The following GALNT11 variants were observed in gnomAD, a reference collection of about 807,000 sequenced individuals.
GALNT11 encodes UDP-GalNAc:polypeptide N-acetylgalactosaminyltransferase 11.
Under a neutral mutation model 72.7 loss-of-function variants are expected in GALNT11, and 47 were observed. The ratio of observed to expected loss-of-function variants is 0.65; its 90% CI spans 0.51 to 0.82. GALNT11 has a LOEUF of 0.82. Among genes scored for constraint, GALNT11 ranks in the 40% least tolerant of loss-of-function variants. GALNT11 has a pLI of 0.00. For missense variants in GALNT11, 677 were observed against 778.4 expected (o/e 0.87, Z 1.55); for synonymous variants, 270 against 286.6 (o/e 0.94, Z 0.58).
chr7:152,089,391 C>T (rs2085860918), intron 1 of GALNT11, among the ~76,000 whole-genome samples: 2 of 152,230 alleles, frequency 1.3e-5, no homozygotes, highest in African/African-American at 4.8e-5. Flanking sequence ...TCTGTATTTT[C>T]TGCAGAAAGG....
chr7:152,084,168 G>C (rs1162986117), intron 1 of GALNT11, among the ~76,000 whole-genome samples: 1 of 151,122 alleles, frequency 6.6e-6, no homozygotes, highest in Non-Finnish European at 1.5e-5. Flanking sequence ...TTTTTATTTT[G>C]GGGTTTTTTT....
At chr7:152,062,793 C>G (rs139110295) in intron 1 of GALNT11, among the ~76,000 whole-genome samples, 7,470 of 152,174 alleles carry the variant, frequency 0.049, 625 homozygotes, top group African/African-American at 0.17. Flanking sequence ...GTTGAACCAG[C>G]CTTGCATCCC....
intron 2 of GALNT11, among the ~76,000 whole-genome samples, chr7:152,099,530 GTTTTTTTTTTTTTTTT>G (rs1009548038): frequency 1.7e-5 from 1 of 57,790 alleles, no homozygotes; most frequent in South Asian, 7.7e-4. Flanking sequence ...CTCCCGCCTA[GTTTTTTTTTTTTTTTT>G]TTTTTTTTTT....
In GALNT11 at chr7:152,108,040, G is replaced by A. The variant is rs779686292; in HGVS notation, c.715G>A (p.Glu239Lys). Residue 239 changes from glutamate to lysine, a missense_variant and splice_region_variant, in exon 6 of 12, where the codon GAA becomes AAA. By Grantham distance (56) the Glu-to-Lys change is moderately conservative. Coordinates refer to ENST00000430044, the MANE Select transcript of GALNT11 (RefSeq NM_022087.4). ...RMIGAAHATGEVLVFLDSHCE... is the reference protein window; with the variant it reads ...RMIGAAHATGKVLVFLDSHCE... ...AGCCTCTGTTGTTTCCTCCCCAGGAGAAGTCCTTGTGTTCCTGGACAGCCA... is the reference window on the plus strand; with the variant it reads ...AGCCTCTGTTGTTTCCTCCCCAGGAAAAGTCCTTGTGTTCCTGGACAGCCA... 5 of 1,606,826 alleles carry A rather than the reference G, an allele frequency of 3.1e-6. No homozygotes were observed. The highest frequency in any genetic ancestry group is 4.3e-6 in the Non-Finnish European group (5 of 1,174,128).
chr7:152,113,481 C>T lies in GALNT11; in HGVS notation c.1233+83C>T, dbSNP rs1171035468. On this transcript the variant is annotated intron_variant, in intron 8 of 11. Coordinates refer to ENST00000430044, the MANE Select transcript of GALNT11 (RefSeq NM_022087.4). The stretch of plus-strand genomic sequence containing the variant: ...GTGATAGCTTTAGTTGCTTACTTTT[C>T]ACTCTGGCATATTTCTCTTGGTTAA... 14 of 1,488,562 alleles carry T rather than the reference C, an allele frequency of 9.4e-6. No individual in the cohort carries two copies. In the Admixed American group the frequency reaches 2.5e-4, roughly 27 times the overall value. 92.2% of individuals were successfully genotyped at this position (1,488,562 alleles called of 1,614,324 possible).
intron 1 of GALNT11, among the ~76,000 whole-genome samples, chr7:152,038,219 A>T (rs1019239863): frequency 6.6e-6 from 1 of 152,204 alleles, no homozygotes; most frequent in Non-Finnish European, 1.5e-5. Context: ...TGGAATGGGA[A>T]ATCAGGGGCC....
chr7:152,092,664 G>A (rs1260162718), intron 1 of GALNT11, among the ~76,000 whole-genome samples: 1 of 152,190 alleles, frequency 6.6e-6, no homozygotes, highest in East Asian at 1.9e-4. Flanking sequence ...CCTTGTACAA[G>A]AGAACCTAAT....
intron 1 of GALNT11, among the ~76,000 whole-genome samples, chr7:152,028,435 C>T (rs1050225463): frequency 3.3e-5 from 5 of 151,924 alleles, no homozygotes; most frequent in African/African-American, 1.2e-4. Flanking sequence ...CAGAAAAGTT[C>T]TCCAAGTCTG....
At chr7:152,114,328 TCTA>T (rs1422455026) in intron 8 of GALNT11, among the ~76,000 whole-genome samples, 2 of 152,156 alleles carry the variant, frequency 1.3e-5, no homozygotes, top group African/African-American at 4.8e-5. Context: ...CAACCATTAA[TCTA>T]CTCCTTGTCT....
intron 1 of GALNT11, among the ~76,000 whole-genome samples, chr7:152,037,446 G>C (rs1393075501): frequency 6.6e-6 from 1 of 152,110 alleles, no homozygotes; most frequent in Non-Finnish European, 1.5e-5. Flanking sequence ...CTGGTGCCAT[G>C]CTATTTTGGT....
chr7:152,065,920 C>G (rs1469503627), intron 1 of GALNT11, among the ~76,000 whole-genome samples: 1 of 152,222 alleles, frequency 6.6e-6, no homozygotes, highest in East Asian at 1.9e-4. Context: ...TCTGTCCATT[C>G]TCAGATCTTA....
chr7:152,082,421 C>G (rs1292693664), intron 1 of GALNT11, among the ~76,000 whole-genome samples: 1 of 152,140 alleles, frequency 6.6e-6, no homozygotes, highest in African/African-American at 2.4e-5. Context: ...TCCCGATTGG[C>G]TAGCAACTTA....
intron 1 of GALNT11, among the ~76,000 whole-genome samples, chr7:152,090,000 C>A (rs928923603): frequency 1.3e-5 from 2 of 152,160 alleles, no homozygotes; most frequent in African/African-American, 4.8e-5. Context: ...AGAAACTACA[C>A]CTACATTTCT....
At chr7:152,087,913 G>A (rs970949927) in intron 1 of GALNT11, among the ~76,000 whole-genome samples, 1 of 152,202 alleles carries the variant, frequency 6.6e-6, no homozygotes, top group African/African-American at 2.4e-5. Flanking sequence ...AAGAAAATCT[G>A]CTAATTTTTC....
chr7:152,084,081 A>C (rs1238708436), intron 1 of GALNT11, among the ~76,000 whole-genome samples: 1 of 152,176 alleles, frequency 6.6e-6, no homozygotes, highest in Non-Finnish European at 1.5e-5. Flanking sequence ...CTTAAGTAGC[A>C]GTAGGATTTC....
chr7:152,071,103 A>G (rs1447254275), intron 1 of GALNT11, among the ~76,000 whole-genome samples: 3 of 152,234 alleles, frequency 2.0e-5, no homozygotes, highest in African/African-American at 7.2e-5. Context: ...TAAAATTGCT[A>G]ATGAAGTTTC....
chr7:152,099,197 C>G (rs1338600031), intron 2 of GALNT11, among the ~76,000 whole-genome samples: 4 of 152,094 alleles, frequency 2.6e-5, no homozygotes, highest in Non-Finnish European at 5.9e-5. Context: ...CCACCTTGGC[C>G]TCCCAAAGTG....
At chr7:152,062,248 G>A (rs1349503221) in intron 1 of GALNT11, among the ~76,000 whole-genome samples, 4 of 152,174 alleles carry the variant, frequency 2.6e-5, no homozygotes, top group Non-Finnish European at 5.9e-5. Context: ...GTGAATGGGA[G>A]TTCACGCATG....
intron 1 of GALNT11, among the ~76,000 whole-genome samples, chr7:152,075,986 C>T (rs1400757695): frequency 1.4e-5 from 2 of 138,262 alleles, no homozygotes; most frequent in Non-Finnish European, 3.1e-5. Flanking sequence ...GGCGTGAAGC[C>T]GGGAGGTGGA....
Sources: allele counts gnomAD v4.1 joint callset (sites outside exome capture counted in the v4.1 genomes callset), GRCh38; gene constraint gnomAD v4.1.1; transcripts MANE v1.5; gene names NCBI Gene and HGNC (gene_info 2026-07-23, HGNC 2026-07-21).